Variants in TRAFD1 observed in about 807,000 individuals in gnomAD.
TRAFD1 encodes TRAF-type zinc finger domain containing 1.
Under a neutral mutation model 65.3 loss-of-function variants are expected in TRAFD1, and 38 were observed. The observed-to-expected ratio is 0.58, with a 90% confidence interval of 0.45 to 0.76. The LOEUF is 0.76. TRAFD1 is among the 30% of genes least tolerant of loss of function. The pLI is 0.00. For missense variants in TRAFD1, 631 were observed against 712.6 expected (o/e 0.89, Z 1.30); for synonymous variants, 223 against 257.2 (o/e 0.87, Z 1.27).
chr12:112,142,650 A>G (rs1159863537), intron 6 of TRAFD1, among the ~76,000 whole-genome samples: 2 of 150,132 alleles, frequency 1.3e-5, no homozygotes, highest in Non-Finnish European at 3.0e-5. Context: ...CCTTGTCTCA[A>G]AAAAAAAAGG....
At chr12:112,126,708 G>T (rs1043428790) in intron 1 of TRAFD1, among the ~76,000 whole-genome samples, 2 of 151,706 alleles carry the variant, frequency 1.3e-5, no homozygotes, top group Non-Finnish European at 2.9e-5. Context: ...AGGTTGGAGT[G>T]CAGTGGCGAG....
chr12:112,147,707 T>C (rs1487281731), intron 7 of TRAFD1, among the ~76,000 whole-genome samples: 1 of 151,878 alleles, frequency 6.6e-6, no homozygotes, highest in African/African-American at 2.4e-5. Context: ...AGTCTCGCTC[T>C]GTGACCCAGG....
rs754314059 is a variant in TRAFD1 at position 112,142,241 on chromosome 12, G to A, written c.796G>A (p.Val266Ile). 39 of 1,613,918 alleles carry A rather than the reference G, an allele frequency of 2.4e-5. No individual in the cohort carries two copies. The South Asian group carries it at 3.5e-4, about 15-fold the overall frequency. ...GGCAGAGCAGGACTTCTGGAGGGCC[G>A]TATGTGAGGCCGACCAGTCTCATGG... ...SVAEQDFWRA[V>I]CEADQSHGGP... Residue 266 changes from valine (V) to isoleucine (I), a missense_variant, in exon 6 of 12, where the codon GTA becomes ATA. By Grantham distance (29) the Val-to-Ile change is conservative. Coordinates refer to ENST00000412615, the MANE Select transcript of TRAFD1 (RefSeq NM_006700.3).
chr12:112,141,669 T>G (rs2030094007), intron 5 of TRAFD1, among the ~76,000 whole-genome samples: 1 of 152,216 alleles, frequency 6.6e-6, no homozygotes, highest in Non-Finnish European at 1.5e-5. Context: ...TTATTTCCCT[T>G]AGGCATTTGC....
At position 112,142,084 on chromosome 12, in the gene TRAFD1, T is replaced by C. The variant is rs1258017723; in HGVS notation, c.644-5T>C. 1.2e-6 allele frequency: 2 copies of C among 1,612,088 alleles called. No individual in the cohort carries two copies. Among genetic ancestry groups the C allele is most frequent in the Admixed American group, 3.3e-5 (2 of 59,870 alleles). The stretch of plus-strand genomic sequence containing the variant: ...CCTGAATGTTGGTTGGTTTTTTTTT[T>C]TCAGTTGAAGAACAAGAGAGGCAGG... On this transcript the variant is annotated splice_region_variant and splice_polypyrimidine_tract_variant and intron_variant, in intron 5 of 11. Transcript: ENST00000412615.
At chr12:112,151,261 T>G (rs1350029516) in intron 9 of TRAFD1, among the ~76,000 whole-genome samples, 4 of 152,046 alleles carry the variant, frequency 2.6e-5, no homozygotes, top group Non-Finnish European at 4.4e-5. Context: ...TTTTTCAAGG[T>G]TTGCTTGCAC....
rs1421328991 is a variant in TRAFD1, at chr12:112,130,052, C to T, written c.-12-459C>T. 6.6e-6 allele frequency among the ~76,000 whole-genome samples: 1 copy of T among 151,828 alleles called. No individual in the cohort carries two copies. Among genetic ancestry groups the T allele is most frequent in the African/African-American group, 2.4e-5 (1 of 41,316 alleles). On this transcript the variant is annotated intron_variant, in intron 1 of 11. Coordinates refer to ENST00000412615, the MANE Select transcript of TRAFD1 (RefSeq NM_006700.3). The surrounding 1 kb of genome is among the most constrained non-coding windows in gnomAD (Gnocchi z 4.4). The stretch of plus-strand genomic sequence containing the variant: ...GCAGCCTTAAACTCCTAGGCTTAAG[C>T]ATTCCTCTTGCACATTCCTCCTGCC...
chr12:112,138,430 A>T (rs899504123), intron 4 of TRAFD1, among the ~76,000 whole-genome samples: 4 of 151,790 alleles, frequency 2.6e-5, no homozygotes, highest in African/African-American at 9.7e-5. Flanking sequence ...CATGCCTGTA[A>T]TTCCAGCTAC....
chr12:112,140,285 T>C (rs933996334), intron 4 of TRAFD1: 3 of 176,312 alleles, frequency 1.7e-5, no homozygotes, highest in Non-Finnish European at 3.7e-5. Flanking sequence ...GTGGGTGTGG[T>C]GGTGTGTGCC....
chr12:112,142,368 C>G, intron 6 of TRAFD1, 73 bp downstream of exon 6: 1 of 1,466,534 alleles, frequency 6.8e-7, no homozygotes, highest in Non-Finnish European at 9.2e-7. Flanking sequence ...AATTCTTATA[C>G]AATTGAAAGA....
At chr12:112,134,475 C>T (rs371561558) in intron 2 of TRAFD1, among the ~76,000 whole-genome samples, 3 of 152,004 alleles carry the variant, frequency 2.0e-5, no homozygotes, top group African/African-American at 7.3e-5. Flanking sequence ...AGGTTGGTCT[C>T]GAACGCCTGA....
chr12:112,130,233 A>G lies in TRAFD1; in HGVS notation c.-12-278A>G, dbSNP rs931411969. On this transcript the variant is annotated intron_variant, in intron 1 of 11. Transcript: ENST00000412615. This position sits in a 1 kb window ranked among gnomAD's most constrained non-coding sequence, Gnocchi z 4.4. ...GTGATCCGCCTGCCTCGGCCTCCCAAAGTACTGAGATTACAGGCATGAGCC... is the reference window on the plus strand; with the variant it reads ...GTGATCCGCCTGCCTCGGCCTCCCAGAGTACTGAGATTACAGGCATGAGCC... Among the ~76,000 whole-genome samples the G allele has an allele frequency of 1.3e-5, 2 of 152,050 alleles. No homozygotes were observed. Among genetic ancestry groups the G allele is most frequent in the African/African-American group, 4.8e-5 (2 of 41,416 alleles).
intron 6 of TRAFD1, 26 bp from the exon 7 acceptor site, chr12:112,145,560 G>A: frequency 1.2e-6 from 2 of 1,612,874 alleles, no homozygotes; most frequent in East Asian, 4.5e-5. Context: ...TTCATCCTGA[G>A]TCTCATTGTG....
intron 4 of TRAFD1, among the ~76,000 whole-genome samples, chr12:112,139,814 C>T (rs1449915411): frequency 3.9e-5 from 6 of 151,918 alleles, no homozygotes; most frequent in Non-Finnish European, 5.9e-5. Context: ...ACTTGGCTAA[C>T]GTGGTGAAAC....
intron 5 of TRAFD1, 42 bp downstream of exon 5, chr12:112,141,266 A>T: frequency 1.9e-6 from 3 of 1,594,586 alleles, no homozygotes; most frequent in Non-Finnish European, 2.6e-6. Flanking sequence ...TGGTATCAAA[A>T]TCCCAAGGCA....
chr12:112,152,463 C>T lies in TRAFD1; in HGVS notation c.1656C>T (p.Thr552=), dbSNP rs1289743819. The T allele has an allele frequency of 6.2e-7, 1 of 1,613,700 alleles. No individual in the cohort carries two copies. The highest frequency in any genetic ancestry group is 8.5e-7 in the Non-Finnish European group (1 of 1,180,038). Residue 552 remains threonine (T), a synonymous_variant, in exon 11 of 12, where the codon ACC becomes ACT. Transcript: ENST00000412615. The surrounding 1 kb of genome is among the most constrained non-coding windows in gnomAD (Gnocchi z 5.0). The stretch of plus-strand genomic sequence containing the variant: ...AAGGTGGCAGGAATTCCCGGGTCAC[C>T]CCTGCAGCTGCCAACTACCGCAGCA... ...RSEGGRNSRV[T]PAAANYRSRT... is the part of the protein sequence containing the mutation.
chr12:112,135,009 C>G lies in TRAFD1; in HGVS notation c.184-4C>G. 1 of 1,614,204 alleles carries G rather than the reference C, an allele frequency of 6.2e-7. No individual in the cohort carries two copies. On this transcript the variant is annotated splice_region_variant and splice_polypyrimidine_tract_variant and intron_variant, in intron 3 of 11. Transcript: ENST00000412615. ...AATTTACTGATTCTCACTTCTTACTCTAGGTGACCTGCAAATGTAACAAGA... is the reference window on the plus strand; with the variant it reads ...AATTTACTGATTCTCACTTCTTACTGTAGGTGACCTGCAAATGTAACAAGA...
At position 112,152,047 on chromosome 12, in the gene TRAFD1, G is replaced by C. The variant is rs764622599; in HGVS notation, c.1526G>C (p.Gly509Ala). The change falls in exon 10 of 12, where the codon GGG (glycine) becomes GCG (alanine). Residue 509 changes from glycine (G) to alanine (A), a missense_variant. Coordinates refer to ENST00000412615, the MANE Select transcript of TRAFD1 (RefSeq NM_006700.3). The surrounding 1 kb of genome is among the most constrained non-coding windows in gnomAD (Gnocchi z 5.0). ...AGCCAGAATGGGGCCATAGCCCCTG[G>C]GCACGTTTCAGTGATTCGCCCTCCT... ...RDSQNGAIAP[G>A]HVSVIRPPQN... 2 of 1,614,212 alleles carry C rather than the reference G, an allele frequency of 1.2e-6. No individual in the cohort carries two copies. Among genetic ancestry groups the C allele is most frequent in the Non-Finnish European group, 1.7e-6 (2 of 1,180,040 alleles).
intron 6 of TRAFD1, among the ~76,000 whole-genome samples, chr12:112,143,322 G>T (rs2030143714): frequency 6.6e-6 from 1 of 152,044 alleles, no homozygotes; most frequent in Non-Finnish European, 1.5e-5. Context: ...CTCGTGATCC[G>T]CCTGCCTCGG....
Sources: allele counts gnomAD v4.1 joint callset (sites outside exome capture counted in the v4.1 genomes callset), GRCh38; gene constraint gnomAD v4.1.1; non-coding constraint Gnocchi (gnomAD v3.1); transcripts MANE v1.5; gene names NCBI Gene and HGNC (gene_info 2026-07-23, HGNC 2026-07-21).